The following SPAG17 variants were observed in gnomAD, a reference collection of about 807,000 sequenced individuals.
SPAG17 encodes the protein sperm associated antigen 17, also known as sperm-associated antigen 17.
A neutral mutation model predicts 273.6 loss-of-function variants in SPAG17; 169 were observed. The observed-to-expected ratio is 0.62, with a 90% confidence interval of 0.55 to 0.70. The LOEUF (loss-of-function observed/expected upper bound fraction) is 0.70. SPAG17 is among the 30% of genes least tolerant of loss of function. SPAG17 has a pLI of 0.00. For missense variants in SPAG17, 2,557 were observed against 2,627.8 expected (o/e 0.97, Z 0.59); for synonymous variants, 825 against 873.2 (o/e 0.94, Z 0.97).
At chr1:117,973,399 G>A in intron 44 of SPAG17, 26 bp downstream of exon 44, 2 of 1,604,788 alleles carry the variant, frequency 1.2e-6, no homozygotes, top group Admixed American at 3.4e-5. Flanking sequence ...TTGGCTGTGG[G>A]GAATTTGTTC....
intron 5 of SPAG17, 74 bp from the exon 6 acceptor site, chr1:118,099,874 C>T (rs2102215627): frequency 7.8e-7 from 1 of 1,283,884 alleles, no homozygotes; most frequent in East Asian, 2.4e-5. Flanking sequence ...AGTTCAATGG[C>T]TATATACATT....
At chr1:118,057,132 A>G (rs1433687673) in intron 18 of SPAG17, among the ~76,000 whole-genome samples, 1 of 152,076 alleles carries the variant, frequency 6.6e-6, no homozygotes, top group Admixed American at 6.6e-5. Flanking sequence ...GCCTGCCACC[A>G]TGCCCGGCTT....
At chr1:117,980,366 G>C (rs1365985227) in intron 43 of SPAG17, among the ~76,000 whole-genome samples, 1 of 152,070 alleles carries the variant, frequency 6.6e-6, no homozygotes, top group African/African-American at 2.4e-5. Context: ...TCGGTAGCTA[G>C]CATTACAGGC....
chr1:118,038,830 T>C (rs924068785), intron 23 of SPAG17, among the ~76,000 whole-genome samples: 1 of 152,100 alleles, frequency 6.6e-6, no homozygotes, highest in Non-Finnish European at 1.5e-5. Context: ...CTCTGTATGA[T>C]AGTATAATGG....
intron 6 of SPAG17, among the ~76,000 whole-genome samples, chr1:118,098,876 T>C (rs1010016815): frequency 1.3e-5 from 2 of 152,134 alleles, no homozygotes; most frequent in African/African-American, 4.8e-5. Flanking sequence ...TTATAAAAAT[T>C]GGGATGTGGC....
rs765152301 is a variant in SPAG17, at chr1:117,972,045, C to T, written c.6144G>A (p.Val2048=). 4.3e-6 allele frequency: 7 copies of T among 1,609,634 alleles called. No individual in the cohort carries two copies. In the Admixed American group the frequency reaches 1.0e-4, roughly 23 times the overall value. The part of the protein sequence containing the change: ...SKPKSQPLAK[V]QDSVGGKVNT... Reference sequence around the variant, plus strand: ...TCACTTTTCCTCCAACAGAATCTTGCACCTTTGCATTAAGAAAAAATTAAT... The same window carrying T: ...TCACTTTTCCTCCAACAGAATCTTGTACCTTTGCATTAAGAAAAAATTAAT... The change falls in exon 45 of 49, where the codon GTG becomes GTA. Residue 2048 remains valine (V), a splice_region_variant and synonymous_variant. Coordinates refer to ENST00000336338, the MANE Select transcript of SPAG17 (RefSeq NM_206996.4).
Position 117,971,719 on chromosome 1 carries a change from G to A in SPAG17, c.6326+144C>T, listed in dbSNP as rs191185214. 85 of 600,520 alleles carry A rather than the reference G, an allele frequency of 1.4e-4. 1 individual carries two copies. Among genetic ancestry groups the A allele is most frequent in the Admixed American group, 4.7e-4 (13 of 27,776 alleles). 37.2% of individuals were successfully genotyped at this position (600,520 alleles called of 1,614,324 possible). ...TTGATGAATGAATGAATGAGTTAGT[G>A]TGTAAATGACTGAATGAATAATGTG... On this transcript the variant is annotated intron_variant, in intron 45 of 48. Transcript: ENST00000336338.
chr1:118,156,170 T>C (rs1313534317), intron 1 of SPAG17, among the ~76,000 whole-genome samples: 3 of 152,240 alleles, frequency 2.0e-5, no homozygotes, highest in Non-Finnish European at 4.4e-5. Flanking sequence ...ATAATACTGT[T>C]AAAGTAATCC....
At chr1:118,052,617 T>G (rs892932352) in intron 20 of SPAG17, among the ~76,000 whole-genome samples, 31 of 152,098 alleles carry the variant, frequency 2.0e-4, no homozygotes, top group African/African-American at 7.0e-4. Context: ...TTTAGCCATT[T>G]TATAATATGT....
At chr1:118,023,163 T>C in intron 28 of SPAG17, 141 bp downstream of exon 28, 5 of 499,656 alleles carry the variant, frequency 1.0e-5, no homozygotes, top group Non-Finnish European at 1.6e-5. Context: ...AGAATTCATT[T>C]ATATGTATGT....
At chr1:118,016,287 G>T in intron 28 of SPAG17, 105 bp from the exon 29 acceptor site, 1 of 823,882 alleles carries the variant, frequency 1.2e-6, no homozygotes, top group Non-Finnish European at 1.9e-6. Flanking sequence ...CAGATACTGT[G>T]GCATAGACAA....
chr1:118,085,850 G>T, intron 13 of SPAG17, 72 bp downstream of exon 13: 1 of 1,393,268 alleles, frequency 7.2e-7, no homozygotes, highest in Non-Finnish European at 9.7e-7. Context: ...TGTAAATAAG[G>T]GTGTAATTTT....
intron 3 of SPAG17, among the ~76,000 whole-genome samples, chr1:118,125,942 T>A (rs1657696496): frequency 6.6e-6 from 1 of 151,966 alleles, no homozygotes; most frequent in African/African-American, 2.4e-5. Flanking sequence ...TTTTGAGAAA[T>A]CTCCATACTG....
At chr1:117,981,659 T>C (rs1655827365) in intron 42 of SPAG17, among the ~76,000 whole-genome samples, 2 of 152,228 alleles carry the variant, frequency 1.3e-5, no homozygotes, top group South Asian at 2.1e-4. Context: ...TGGTTCTTTA[T>C]GGGCATTATG....
intron 4 of SPAG17, among the ~76,000 whole-genome samples, chr1:118,102,291 G>A (rs1268922466): frequency 1.3e-5 from 2 of 152,200 alleles, no homozygotes; most frequent in Non-Finnish European, 2.9e-5. Context: ...TTATCTTTTA[G>A]TCTAGCCCTG....
chr1:117,996,873 G>T (rs1657718376), intron 32 of SPAG17, 130 bp from the exon 33 acceptor site: 10 of 937,426 alleles, frequency 1.1e-5, no homozygotes, highest in Non-Finnish European at 1.6e-5. Context: ...TATTTGCAAG[G>T]TATTGTTTAC....
At chr1:118,105,884 G>T (rs1656368818) in intron 4 of SPAG17, among the ~76,000 whole-genome samples, 1 of 152,116 alleles carries the variant, frequency 6.6e-6, no homozygotes, top group Non-Finnish European at 1.5e-5. Flanking sequence ...AGAGAAATCA[G>T]AGAGGCAGAG....
At chr1:117,979,022 C>T (rs1346074044) in intron 43 of SPAG17, among the ~76,000 whole-genome samples, 19 of 152,212 alleles carry the variant, frequency 1.2e-4, no homozygotes, top group African/African-American at 4.1e-4. Context: ...TGCATGCCAC[C>T]ATGCCTGGCT....
At chr1:118,052,082 G>A (rs1211179667) in intron 20 of SPAG17, among the ~76,000 whole-genome samples, 1 of 136,360 alleles carries the variant, frequency 7.3e-6, no homozygotes, top group South Asian at 2.4e-4. Context: ...TATATAATAT[G>A]GTTTATATAT....
Sources: gnomAD v4.1 joint callset for allele counts (sites outside exome capture counted in the v4.1 genomes callset) on GRCh38, gnomAD v4.1.1 for gene constraint, MANE v1.5 for transcripts, NCBI Gene and HGNC (gene_info 2026-07-23, HGNC 2026-07-21) for gene names.